Variants in CCL5 observed in about 807,000 individuals in gnomAD.
CCL5 encodes C-C motif chemokine ligand 5.
In CCL5, 5 loss-of-function variants were observed where a neutral mutation model predicts 9.0. The ratio of observed to expected loss-of-function variants is 0.55; its 90% CI spans 0.29 to 1.16. CCL5 has a LOEUF of 1.16. CCL5 is among the 50% of genes most tolerant of loss of function. The pLI, the probability that CCL5 is intolerant of heterozygous loss-of-function variation, is 0.08. For synonymous variants in CCL5, 66 were observed against 72.0 expected (o/e 0.92, Z 0.42); for missense variants, 183 against 183.2 (o/e 1.00, Z 0.01).
At chr17:35,878,107 AC>A (rs2144031735) in intron 2 of CCL5, among the ~76,000 whole-genome samples, 1 of 151,574 alleles carries the variant, frequency 6.6e-6, no homozygotes, top group East Asian at 1.9e-4. Flanking sequence ...ACACGGTGAA[AC>A]CCCGTCTCTA....
rs1409355245 is a variant in CCL5 at position 35,872,431 on chromosome 17, G to T, written c.304C>A (p.Gln102Lys). Reference sequence around the variant, plus strand: ...CCCGAACCCATTTCTTCTCTGGGTTGGCACACACTTGGCGGTTCTTTCGGG... The same window carrying T: ...CCCGAACCCATTTCTTCTCTGGGTTTGCACACACTTGGCGGTTCTTTCGGG... Residue 102 changes from glutamine (Q) to lysine (K), a missense_variant, in exon 4 of 4, where the codon CAA becomes AAA. Physicochemically the swap from Gln to Lys is moderately conservative, Grantham distance 53. Transcript: ENST00000651122. 7 of 1,613,996 alleles carry T rather than the reference G, an allele frequency of 4.3e-6. No homozygotes were observed. The African/African-American group carries it at 6.7e-5, about 15-fold the overall frequency.
rs2088365300 is a variant in CCL5 at position 35,871,682 on chromosome 17, A to G, written c.*588T>C. 6.6e-6 allele frequency: 1 copy of G among 152,234 alleles called. No individual in the cohort carries two copies. The highest frequency in any genetic ancestry group is 6.5e-5 in the Admixed American group (1 of 15,284). 9.4% of individuals were successfully genotyped at this position (152,234 alleles called of 1,614,324 possible). ...AAGGCAAAGCCAGAGCTCAGAACCTAGAGACTTCCTTTTGACAAAGCAGCG... is the reference window on the plus strand; with the variant it reads ...AAGGCAAAGCCAGAGCTCAGAACCTGGAGACTTCCTTTTGACAAAGCAGCG... On this transcript the variant is annotated 3_prime_UTR_variant, in exon 4 of 4. Transcript: ENST00000651122.
At chr17:35,876,491 C>T (rs2088442714) in intron 2 of CCL5, among the ~76,000 whole-genome samples, 1 of 152,226 alleles carries the variant, frequency 6.6e-6, no homozygotes, top group African/African-American at 2.4e-5. Context: ...CCTTAACCCC[C>T]ATTTTTCTCC....
intron 1 of CCL5, among the ~76,000 whole-genome samples, chr17:35,879,635 CAAAAAAAAAAA>C (rs35764706): frequency 2.1e-5 from 1 of 48,666 alleles, no homozygotes; most frequent in African/African-American, 7.2e-5. Flanking sequence ...GACTCCATCT[CAAAAAAAAAAA>C]AAAAAAAAAA....
intron 3 of CCL5, among the ~76,000 whole-genome samples, chr17:35,873,477 G>A (rs928240117): frequency 1.2e-4 from 19 of 152,316 alleles, no homozygotes; most frequent in Non-Finnish European, 1.3e-4. Flanking sequence ...ATGAGCCACC[G>A]CGCCTGGCCG....
At chr17:35,879,776 C>T (rs2088492112) in intron 1 of CCL5, among the ~76,000 whole-genome samples, 1 of 151,822 alleles carries the variant, frequency 6.6e-6, no homozygotes, top group African/African-American at 2.4e-5. Context: ...AGCCACATAC[C>T]CTCTCATAAG....
In CCL5 at chr17:35,873,336, C is replaced by T. The variant is rs528149031; in HGVS notation, c.271-872G>A. On this transcript the variant is annotated intron_variant, in intron 3 of 3. Coordinates refer to ENST00000651122, the MANE Select transcript of CCL5 (RefSeq NM_001278736.2). ...CTGAGTAGTTGGGACTATAGGCGCC[C>T]CCCACCACGCCTGGCTAATTTTTTG... 4.6e-5 allele frequency among the ~76,000 whole-genome samples: 7 copies of T among 152,148 alleles called. No homozygotes were observed. The South Asian group carries it at 1.5e-3, about 32-fold the overall frequency.
At chr17:35,872,691 G>A (rs75062043) in intron 3 of CCL5, among the ~76,000 whole-genome samples, 4 of 152,060 alleles carry the variant, frequency 2.6e-5, no homozygotes, top group Admixed American at 1.3e-4. Context: ...CATTTTAATC[G>A]CCTTCACACA....
intron 2 of CCL5, among the ~76,000 whole-genome samples, chr17:35,878,261 C>T (rs28914802): frequency 0.025 from 2,901 of 115,760 alleles, 59 homozygotes; most frequent in East Asian, 0.13. Flanking sequence ...CCAGCCTGGG[C>T]GACAGAGTGA....
chr17:35,873,405 T>G (rs559422304), intron 3 of CCL5, among the ~76,000 whole-genome samples: 1 of 151,524 alleles, frequency 6.6e-6, no homozygotes, highest in Non-Finnish European at 1.5e-5. Context: ...GCCAGGATGG[T>G]CTCGATCTCC....
chr17:35,871,916 AT>A lies in CCL5; in HGVS notation c.*353del, dbSNP rs55633465. On this transcript the variant is annotated 3_prime_UTR_variant, in exon 4 of 4. Coordinates refer to ENST00000651122, the MANE Select transcript of CCL5 (RefSeq NM_001278736.2). ...GCCACCACGCCCGGCTAATTTTTGT[AT>A]TTTTTTTTTTTTTTTTTTTTTTGAG... 9,779 of 75,660 alleles carry A rather than the reference AT, an allele frequency of 0.13. 313 individuals carry two copies. The highest frequency in any genetic ancestry group is 0.29 in the East Asian group (736 of 2,578). 4.7% of individuals were successfully genotyped at this position (75,660 alleles called of 1,614,324 possible). A position where few individuals can be genotyped will look rare whatever the true frequency, so the allele number is the denominator to read the frequency against.
intron 1 of CCL5, 103 bp downstream of exon 1, chr17:35,880,127 A>G (rs1405153197): frequency 3.6e-6 from 3 of 834,906 alleles, no homozygotes; most frequent in Non-Finnish European, 6.2e-6. Flanking sequence ...TATTCATGCT[A>G]CAGTTGAAAA....
intron 2 of CCL5, 130 bp downstream of exon 2, chr17:35,878,398 A>T: frequency 1.5e-6 from 1 of 647,358 alleles, no homozygotes. Flanking sequence ...ATAGCAGGGG[A>T]CTCTGAGGCT....
intron 2 of CCL5, 58 bp downstream of exon 2, chr17:35,878,470 T>C (rs944097088): frequency 1.6e-5 from 19 of 1,212,244 alleles, no homozygotes; most frequent in Middle Eastern, 2.3e-4. Flanking sequence ...TAGGGCATCC[T>C]CTCAGAGGAC....
intron 1 of CCL5, among the ~76,000 whole-genome samples, chr17:35,879,235 A>G (rs573967845): frequency 5.7e-4 from 86 of 152,188 alleles, no homozygotes; most frequent in Middle Eastern, 3.4e-3. Context: ...CAGTCTCCCC[A>G]TTTCCTAGCT....
intron 2 of CCL5, among the ~76,000 whole-genome samples, chr17:35,877,408 C>T (rs1162557799): frequency 6.6e-6 from 1 of 152,196 alleles, no homozygotes; most frequent in Non-Finnish European, 1.5e-5. Flanking sequence ...AAACTTCACT[C>T]TTATATAAGA....
chr17:35,879,739 GT>G (rs879350611), intron 1 of CCL5, among the ~76,000 whole-genome samples: 1 of 148,128 alleles, frequency 6.8e-6, no homozygotes. Flanking sequence ...GTTTTTATTT[GT>G]TTTTTAAATG....
At chr17:35,874,076 C>T (rs1174144458) in intron 3 of CCL5, among the ~76,000 whole-genome samples, 1 of 152,148 alleles carries the variant, frequency 6.6e-6, no homozygotes, top group Non-Finnish European at 1.5e-5. Context: ...TTGGGCCTTG[C>T]TAGCAGCGCT....
At position 35,873,360 on chromosome 17, in the gene CCL5, T is replaced by G. The variant is rs564845073; in HGVS notation, c.271-896A>C. Among the ~76,000 whole-genome samples the G allele has an allele frequency of 7.0e-4, 106 of 152,066 alleles. 1 individual carries two copies. Among genetic ancestry groups the G allele is most frequent in the African/African-American group, 2.5e-3 (105 of 41,478 alleles). On this transcript the variant is annotated intron_variant, in intron 3 of 3. Coordinates refer to ENST00000651122, the MANE Select transcript of CCL5 (RefSeq NM_001278736.2). Reference sequence around the variant, plus strand: ...CCCCCACCACGCCTGGCTAATTTTTTGTATTTTTAGTAGAGACAGAGTTTC... The same window carrying G: ...CCCCCACCACGCCTGGCTAATTTTTGGTATTTTTAGTAGAGACAGAGTTTC...
Sources: gnomAD v4.1 joint callset for allele counts (sites outside exome capture counted in the v4.1 genomes callset) on GRCh38, gnomAD v4.1.1 for gene constraint, MANE v1.5 for transcripts, NCBI Gene and HGNC (gene_info 2026-07-23, HGNC 2026-07-21) for gene names.